The following BBS12 variants were observed in gnomAD, a reference collection of about 807,000 sequenced individuals.
BBS12 encodes the protein chaperonin-containing T-complex member BBS12.
A neutral mutation model predicts 5.6 loss-of-function variants in BBS12; 5 were observed. The ratio of observed to expected loss-of-function variants is 0.89; its 90% CI spans 0.46 to 1.86. The LOEUF is 1.86. Among genes scored for constraint, BBS12 ranks in the 40% most tolerant of loss-of-function variants. BBS12 has a pLI of 0.01. For missense variants in BBS12, 748 were observed against 830.4 expected (o/e 0.90, Z 1.22); for synonymous variants, 308 against 306.8 (o/e 1.00, Z -0.04).
In BBS12 at chr4:122,743,580, A is replaced by G. The variant is rs745958967; in HGVS notation, c.1688A>G (p.His563Arg). The change falls in exon 2 of 2, where the codon CAT becomes CGT. Residue 563 changes from histidine to arginine, a missense_variant. Physicochemically the swap from His to Arg is conservative, Grantham distance 29. Coordinates refer to ENST00000314218, the MANE Select transcript of BBS12 (RefSeq NM_152618.3). ...GAGCAATCTCTGAAAAAAGAAAACC[A>G]TGCCTGCTCAGGGTGGCTGCATAAT... is the stretch of plus-strand genomic sequence containing the variant. The part of the protein sequence containing the change: ...LAEQSLKKEN[H>R]ACSGWLHNTS... 52 of 1,614,044 alleles carry G rather than the reference A, an allele frequency of 3.2e-5. No homozygotes were observed. Among genetic ancestry groups the G allele is most frequent in the Non-Finnish European group, 4.4e-5 (52 of 1,180,032 alleles).
At chr4:122,703,285 C>T in the BBS12 span, among the ~76,000 whole-genome samples, 1 of 151,796 alleles carries the variant, frequency 6.6e-6, no homozygotes, top group East Asian at 1.9e-4. Context: ...TGTTTGTCTT[C>T]ATGGACTTGG....
chr4:122,717,942 T>C, the BBS12 span, among the ~76,000 whole-genome samples: 1 of 151,958 alleles, frequency 6.6e-6, no homozygotes, highest in Non-Finnish European at 1.5e-5. Context: ...AAGCATAGAG[T>C]GTGGAGCCAG....
At chr4:122,700,552 C>T in the BBS12 span, among the ~76,000 whole-genome samples, 2 of 152,210 alleles carry the variant, frequency 1.3e-5, no homozygotes, top group Non-Finnish European at 2.9e-5. Context: ...TTCTGTTGTC[C>T]TTTGCTGCCT....
rs17006082 is a variant in BBS12 at position 122,742,606 on chromosome 4, T to C, written c.714T>C (p.Asn238=). Residue 238 remains asparagine (N), a synonymous_variant, in exon 2 of 2, where the codon AAT becomes AAC. Transcript: ENST00000314218. ...TACTAATCCACAGTAGGCATTTTAA[T>C]AGGACAGATAATACTGAAGGGGTAA... ...QSILIHSRHF[N]RTDNTEGVSK... The C allele has an allele frequency of 1.2e-6, 2 of 1,614,212 alleles. No individual in the cohort carries two copies. Among genetic ancestry groups the C allele is most frequent in the Non-Finnish European group, 1.7e-6 (2 of 1,180,034 alleles).
chr4:122,733,498 A>G (rs1800737063), intron 1 of BBS12, among the ~76,000 whole-genome samples: 1 of 152,056 alleles, frequency 6.6e-6, no homozygotes, highest in South Asian at 2.1e-4. Flanking sequence ...TGCACTTCAG[A>G]GTCAGACACA....
the BBS12 span, among the ~76,000 whole-genome samples, chr4:122,719,741 A>G: frequency 6.6e-6 from 1 of 152,246 alleles, no homozygotes. Flanking sequence ...AAGTTTAATT[A>G]GACAGTTGTG....
the BBS12 span, among the ~76,000 whole-genome samples, chr4:122,715,879 GT>G: frequency 3.5e-4 from 53 of 152,070 alleles, 1 homozygote; most frequent in East Asian, 8.5e-3. Context: ...TTGTTCTTTT[GT>G]TTATGTCAGT....
the BBS12 span, among the ~76,000 whole-genome samples, chr4:122,714,645 T>TAC: frequency 1.3e-3 from 194 of 150,982 alleles, 1 homozygote; most frequent in Admixed American, 2.0e-3. Context: ...TATAAATATA[T>TAC]ACACACACAC....
the BBS12 span, among the ~76,000 whole-genome samples, chr4:122,718,592 A>C: frequency 1.1e-4 from 16 of 152,272 alleles, no homozygotes; most frequent in South Asian, 2.9e-3. Context: ...AATTCATAAA[A>C]TAGGGGAATA....
the BBS12 span, among the ~76,000 whole-genome samples, chr4:122,708,161 G>A: frequency 1.3e-5 from 2 of 151,828 alleles, no homozygotes; most frequent in Non-Finnish European, 2.9e-5. Context: ...ACAGGCACAG[G>A]CCACCATACC....
the BBS12 span, among the ~76,000 whole-genome samples, chr4:122,723,536 G>A: frequency 1.3e-5 from 2 of 152,194 alleles, no homozygotes; most frequent in Admixed American, 1.3e-4. Flanking sequence ...AGCAAGAACT[G>A]AAATTGGGTG....
At chr4:122,723,864 G>C in the BBS12 span, among the ~76,000 whole-genome samples, 2 of 152,152 alleles carry the variant, frequency 1.3e-5, no homozygotes, top group Non-Finnish European at 2.9e-5. Context: ...CTAAGCTACA[G>C]AAAGAGGCAG....
chr4:122,732,639 C>T (rs534444365), upstream of BBS12: 1 of 152,528 alleles, frequency 6.6e-6, no homozygotes, highest in African/African-American at 2.4e-5. Context: ...TACTCCCTAC[C>T]AATAGCGTGA....
the BBS12 span, among the ~76,000 whole-genome samples, chr4:122,720,382 C>T: frequency 2.0e-5 from 3 of 152,026 alleles, no homozygotes; most frequent in Admixed American, 1.3e-4. Flanking sequence ...ACCCAGGAGG[C>T]GGAGGTTGCA....
the BBS12 span, among the ~76,000 whole-genome samples, chr4:122,715,715 G>C: frequency 1.5e-4 from 23 of 152,006 alleles, no homozygotes; most frequent in Non-Finnish European, 3.1e-4. Context: ...ACTTCCAAGA[G>C]AAGTAAAAGA....
the BBS12 span, among the ~76,000 whole-genome samples, chr4:122,718,203 G>A: frequency 3.3e-5 from 5 of 152,018 alleles, no homozygotes; most frequent in Non-Finnish European, 7.4e-5. Flanking sequence ...AAGACACCAG[G>A]AATGAAAGAT....
At chr4:122,727,345 C>CA in the BBS12 span, among the ~76,000 whole-genome samples, 1 of 150,378 alleles carries the variant, frequency 6.6e-6, no homozygotes, top group Non-Finnish European at 1.5e-5. Context: ...CCCAGGTTCA[C>CA]ACCATTCTCC....
At chr4:122,709,056 T>C in the BBS12 span, among the ~76,000 whole-genome samples, 1 of 152,238 alleles carries the variant, frequency 6.6e-6, no homozygotes. Context: ...TATGAGTGTC[T>C]GTGTAGACGT....
At chr4:122,717,838 TC>T in the BBS12 span, among the ~76,000 whole-genome samples, 1 of 152,172 alleles carries the variant, frequency 6.6e-6, no homozygotes, top group Non-Finnish European at 1.5e-5. Flanking sequence ...TTTCTGCTTT[TC>T]TCCCCCTGAG....
Sources: gnomAD v4.1 joint callset for allele counts (sites outside exome capture counted in the v4.1 genomes callset) on GRCh38, gnomAD v4.1.1 for gene constraint, MANE v1.5 for transcripts, NCBI Gene and HGNC (gene_info 2026-07-23, HGNC 2026-07-21) for gene names.